NUP210L: variants seen among roughly 807,000 people sequenced by gnomAD.
NUP210L encodes the protein nucleoporin 210 like, also known as nuclear pore membrane glycoprotein 210-like.
Under a neutral mutation model 208.5 loss-of-function variants are expected in NUP210L, and 74 were observed. That is an observed-to-expected ratio of 0.35 (90% CI 0.29 to 0.43). The LOEUF is 0.43. NUP210L is among the 20% of genes least tolerant of loss of function. The pLI, the probability that NUP210L is intolerant of heterozygous loss-of-function variation, is 1.00. For missense variants in NUP210L, 1,843 were observed against 2,289.4 expected (o/e 0.81, Z 3.98); for synonymous variants, 780 against 816.9 (o/e 0.95, Z 0.77).
intron 10 of NUP210L, among the ~76,000 whole-genome samples, chr1:154,125,619 CTGAAA>C (rs1324565485): frequency 6.6e-4 from 45 of 68,312 alleles, no homozygotes; most frequent in African/African-American, 2.6e-3. Context: ...GAGGCCCTCT[CTGAAA>C]GGAAGGAAGG....
chr1:154,114,013 G>A (rs1657186897), intron 12 of NUP210L, among the ~76,000 whole-genome samples: 1 of 151,182 alleles, frequency 6.6e-6, no homozygotes, highest in Admixed American at 6.6e-5. Flanking sequence ...CGTGGTAGTG[G>A]GCGCCTGTAA....
chr1:154,047,466 C>G (rs1254749983), intron 25 of NUP210L, among the ~76,000 whole-genome samples: 1 of 152,164 alleles, frequency 6.6e-6, no homozygotes, highest in Non-Finnish European at 1.5e-5. Flanking sequence ...ATGATGCCCA[C>G]GCTGAAGGTT....
At chr1:154,056,756 A>C (rs1234174702) in intron 23 of NUP210L, 59 bp downstream of exon 23, 1 of 1,503,438 alleles carries the variant, frequency 6.7e-7, no homozygotes, top group Non-Finnish European at 8.9e-7. Flanking sequence ...ACTAACAGAA[A>C]AAGACAAATG....
At chr1:153,996,170 T>C (rs975484210) in intron 37 of NUP210L, among the ~76,000 whole-genome samples, 1 of 152,002 alleles carries the variant, frequency 6.6e-6, no homozygotes, top group Non-Finnish European at 1.5e-5. Context: ...CATGCACCTG[T>C]AGTCCCAGCT....
intron 33 of NUP210L, 147 bp downstream of exon 33, chr1:154,018,786 G>C: frequency 1.2e-6 from 1 of 838,728 alleles, no homozygotes; most frequent in Admixed American, 2.5e-5. Flanking sequence ...ACACTGTTTA[G>C]CTTTGTGTTC....
intron 12 of NUP210L, among the ~76,000 whole-genome samples, chr1:154,107,256 A>G (rs1656811986): frequency 6.6e-6 from 1 of 152,074 alleles, no homozygotes; most frequent in South Asian, 2.1e-4. Flanking sequence ...CAAGCAGATC[A>G]CGAGATCAGG....
At chr1:154,136,159 T>C (rs568518029) in intron 6 of NUP210L, among the ~76,000 whole-genome samples, 187 bp from the exon 7 acceptor site, 12 of 152,254 alleles carry the variant, frequency 7.9e-5, no homozygotes, top group Admixed American at 3.9e-4. Context: ...TGAGTTAAAA[T>C]ATATTGCTGG....
At chr1:154,007,178 G>A (rs1311100860) in intron 35 of NUP210L, among the ~76,000 whole-genome samples, 1 of 148,896 alleles carries the variant, frequency 6.7e-6, no homozygotes, top group Non-Finnish European at 1.5e-5. Flanking sequence ...AGCCAGGCTG[G>A]TCTCAAACTC....
At chr1:154,154,934 G>A in exon 1 of NUP210L, 2 of 1,614,228 alleles carry the variant, frequency 1.2e-6, no homozygotes, top group Non-Finnish European at 1.7e-6. Context: ...CGTTAAGTTT[G>A]TTGGCCAGGG....
intron 23 of NUP210L, among the ~76,000 whole-genome samples, chr1:154,055,151 C>CTT (rs1335094215): frequency 8.4e-6 from 1 of 118,870 alleles, no homozygotes; most frequent in Non-Finnish European, 1.8e-5. Context: ...TTCTTTCTTT[C>CTT]TTTCTTTCTT....
At chr1:154,050,251 A>T (rs1653412616) in intron 25 of NUP210L, among the ~76,000 whole-genome samples, 1 of 152,214 alleles carries the variant, frequency 6.6e-6, no homozygotes, top group South Asian at 2.1e-4. Flanking sequence ...ACTAGGGGAC[A>T]TTAATTGGAT....
chr1:154,076,741 C>A (rs973308294), intron 16 of NUP210L, among the ~76,000 whole-genome samples: 1 of 151,558 alleles, frequency 6.6e-6, no homozygotes, highest in Admixed American at 6.6e-5. Context: ...ATCATACGTA[C>A]CAGTATATGC....
intron 15 of NUP210L, 136 bp downstream of exon 15, chr1:154,094,799 T>C (rs1232088787): frequency 4.5e-6 from 3 of 666,408 alleles, no homozygotes; most frequent in Non-Finnish European, 7.6e-6. Flanking sequence ...GAAAAAACAA[T>C]CATTTGATCA....
chr1:154,075,228 A>C (rs1257867268), intron 16 of NUP210L, among the ~76,000 whole-genome samples: 1 of 152,178 alleles, frequency 6.6e-6, no homozygotes, highest in Non-Finnish European at 1.5e-5. Context: ...GCTTGTAAAT[A>C]AAATTTGTTT....
At chr1:154,115,984 G>A (rs1009899237) in intron 12 of NUP210L, among the ~76,000 whole-genome samples, 5 of 151,894 alleles carry the variant, frequency 3.3e-5, no homozygotes, top group African/African-American at 4.8e-5. Flanking sequence ...GGCCGGGCGC[G>A]GTGACTCATG....
chr1:154,024,009 T>C (rs1418033188), intron 30 of NUP210L, among the ~76,000 whole-genome samples: 1 of 151,722 alleles, frequency 6.6e-6, no homozygotes, highest in Non-Finnish European at 1.5e-5. Flanking sequence ...CAGGTTGGTC[T>C]TGAACTCCTG....
At chr1:154,130,576 ATTTTTTTTT>A (rs765115829) in intron 7 of NUP210L, among the ~76,000 whole-genome samples, 1 of 98,942 alleles carries the variant, frequency 1.0e-5, no homozygotes, top group African/African-American at 3.7e-5. Flanking sequence ...CCTGGCCCCA[ATTTTTTTTT>A]TTTTTTTTTT....
chr1:154,136,541 A>C (rs1052031926), intron 6 of NUP210L, among the ~76,000 whole-genome samples: 1 of 152,022 alleles, frequency 6.6e-6, no homozygotes, highest in Admixed American at 6.6e-5. Context: ...TATTCTTAAA[A>C]ACTAGTGAAC....
At chr1:154,135,291 T>G (rs1452120946) in intron 7 of NUP210L, among the ~76,000 whole-genome samples, 1 of 152,198 alleles carries the variant, frequency 6.6e-6, no homozygotes, top group Non-Finnish European at 1.5e-5. Context: ...CAAATAAGCA[T>G]TGAAGTTAGT....
Sources: allele counts gnomAD v4.1 joint callset (sites outside exome capture counted in the v4.1 genomes callset), GRCh38; gene constraint gnomAD v4.1.1; transcripts MANE v1.5; gene names NCBI Gene and HGNC (gene_info 2026-07-23, HGNC 2026-07-21).